The following JAG2 variants were observed in gnomAD, a reference collection of about 807,000 sequenced individuals.
The protein encoded by JAG2 is jagged canonical Notch ligand 2.
A neutral mutation model predicts 141.7 loss-of-function variants in JAG2; 46 were observed. The ratio of observed to expected loss-of-function variants is 0.32; its 90% CI spans 0.26 to 0.42. The LOEUF (loss-of-function observed/expected upper bound fraction) is 0.42, where lower values mean the gene tolerates loss of function less well. Ranked by LOEUF, JAG2 falls within the 10% of genes least tolerant of loss-of-function variation. The probability of loss-of-function intolerance (pLI) is 1.00; values close to 1 mark genes in which losing one functional copy is unlikely to be tolerated. For synonymous variants in JAG2, 862 were observed against 763.5 expected, an observed-to-expected ratio of 1.13 and a Z score of -2.13; for missense variants, 1,500 against 1,817.5, an observed-to-expected ratio of 0.83 and a Z score of 3.18.
At chr14:105,157,927 C>A in intron 2 of JAG2, 164 bp from the exon 3 acceptor site, 1 of 697,900 alleles carries the variant, frequency 1.4e-6, no homozygotes, top group Non-Finnish European at 2.6e-6. Flanking sequence ...AGGCCACATC[C>A]TCTGCAGACC....
rs1319907612 is a variant in JAG2 at position 105,141,451 on chromosome 14, T to C, written c.*1244A>G. 1 of 152,268 alleles carries C rather than the reference T, an allele frequency of 6.6e-6. No homozygotes were observed. The highest frequency in any genetic ancestry group is 1.5e-5 in the Non-Finnish European group (1 of 68,048). The allele number at this position is 152,268 out of a possible 1,614,324, so 9.4% of individuals were successfully genotyped here. ...TTTATACTATTTTATAAAACTGTTT[T>C]CAGCTGTTTTAGTCAGGGTCGGGTG... On this transcript the variant is annotated 3_prime_UTR_variant, in exon 26 of 26. Transcript: ENST00000331782.
At chr14:105,160,811 C>T (rs925858278) in intron 2 of JAG2, among the ~76,000 whole-genome samples, 3 of 150,064 alleles carry the variant, frequency 2.0e-5, no homozygotes, top group Admixed American at 6.6e-5. Context: ...TGCAGCGAGC[C>T]GAGATCGCAC....
In JAG2 at chr14:105,168,383, A is replaced by AGCG; in HGVS notation, c.37_38insCGC (p.Arg12_Leu13insPro). On this transcript the variant is annotated inframe_insertion, in exon 1 of 26. Transcript: ENST00000331782. ...CACCCAGAGCGCCAGCAGCAGCAGC[A>AGCG]GCCGCCGGGGAAGGCGCCCCCGGCC... 9.8e-7 allele frequency: 1 copy of AGCG among 1,019,328 alleles called. No individual in the cohort carries two copies. Among genetic ancestry groups the AGCG allele is most frequent in the Non-Finnish European group, 1.2e-6 (1 of 829,780 alleles). The allele number at this position is 1,019,328 out of a possible 1,614,324, so 63.1% of individuals were successfully genotyped here. A position where few individuals can be genotyped will look rare whatever the true frequency, so the allele number is the denominator to read the frequency against.
At chr14:105,153,224 G>A (rs976849090) in intron 5 of JAG2, among the ~76,000 whole-genome samples, 3 of 152,178 alleles carry the variant, frequency 2.0e-5, no homozygotes, top group Non-Finnish European at 4.4e-5. Context: ...TTCCTGAGCC[G>A]CCCTCAAGCC....
At position 105,147,540 on chromosome 14, in the gene JAG2, A is replaced by C. The variant is rs1888263879; in HGVS notation, c.2366-13T>G. 6.2e-7 allele frequency: 1 copy of C among 1,610,708 alleles called. No individual in the cohort carries two copies. Among genetic ancestry groups the C allele is most frequent in the African/African-American group, 1.3e-5 (1 of 74,830 alleles). On this transcript the variant is annotated splice_polypyrimidine_tract_variant and intron_variant, in intron 18 of 25. Coordinates refer to ENST00000331782, the MANE Select transcript of JAG2 (RefSeq NM_002226.5). ...CAGTCGTTGGTATCTGGTTTGGGAG[A>C]AGAGAACGCAGGGGATCAGTACCCA...
chr14:105,165,700 C>T (rs1032913739), intron 2 of JAG2, among the ~76,000 whole-genome samples: 1 of 152,174 alleles, frequency 6.6e-6, no homozygotes, highest in Non-Finnish European at 1.5e-5. Context: ...GTGGAGGGAG[C>T]GAATGCAGAG....
At chr14:105,148,044 C>T in intron 17 of JAG2, 72 bp downstream of exon 17, 2 of 1,309,312 alleles carry the variant, frequency 1.5e-6, no homozygotes, top group Non-Finnish European at 1.1e-6. Context: ...CCCCTCGGCC[C>T]ATCGCGCCCG....
At position 105,146,087 on chromosome 14, in the gene JAG2, C is replaced by A. The variant is rs587689283; in HGVS notation, c.2710-114G>T. The A allele has an allele frequency of 3.0e-5, 45 of 1,496,400 alleles. 2 individuals are homozygous for A. The South Asian group carries it at 4.7e-4, about 16-fold the overall frequency. The allele number at this position is 1,496,400 out of a possible 1,614,324, so 92.7% of individuals were successfully genotyped here. ...GCCCCATGCCAAGGAGGGACACCGC[C>A]CAAGTCTGTGAGCCCCAGGGCCCAG... On this transcript the variant is annotated intron_variant, in intron 22 of 25. Coordinates refer to ENST00000331782, the MANE Select transcript of JAG2 (RefSeq NM_002226.5).
chr14:105,146,264 T>G, intron 22 of JAG2, 121 bp downstream of exon 22: 1 of 935,526 alleles, frequency 1.1e-6, no homozygotes, highest in African/African-American at 1.6e-5. Context: ...TGGGTGTCCC[T>G]GAGGGCAGAC....
rs112779211 is a variant in JAG2, at chr14:105,163,893, C to A, written c.417+3864G>T. On this transcript the variant is annotated intron_variant, in intron 2 of 25. Transcript: ENST00000331782. The stretch of plus-strand genomic sequence containing the variant: ...GCTCAGGCCTGGGGTCTGGGGATAG[C>A]GACTGTGGCTGGGGCCTGGGATTGC... Among the ~76,000 whole-genome samples, 53 of 152,146 alleles carry A rather than the reference C, an allele frequency of 3.5e-4. 1 individual carries two copies. Among genetic ancestry groups the A allele is most frequent in the African/African-American group, 1.3e-3 (52 of 41,498 alleles).
chr14:105,157,242 G>A (rs937931769), intron 3 of JAG2, among the ~76,000 whole-genome samples: 2 of 152,126 alleles, frequency 1.3e-5, no homozygotes, highest in African/African-American at 2.4e-5. Flanking sequence ...CAGCCAGCCC[G>A]CTCCTGCCCA....
At chr14:105,148,017 G>T (rs1160953181) in intron 17 of JAG2, 99 bp downstream of exon 17, 3 of 1,167,154 alleles carry the variant, frequency 2.6e-6, no homozygotes, top group Non-Finnish European at 2.5e-6. Context: ...GGTGGCAGGT[G>T]TGGCCCTCAA....
chr14:105,157,362 G>A lies in JAG2; in HGVS notation c.475+344C>T, dbSNP rs1325611524. Among the ~76,000 whole-genome samples, 4 of 152,218 alleles carry A rather than the reference G, an allele frequency of 2.6e-5. No individual in the cohort carries two copies. In the East Asian group the frequency reaches 7.7e-4, roughly 29 times the overall value. ...GCAGAGCCCCTGCCTCAGGGAGAGG[G>A]CCACCAAGGCTCCATGCTCCAGTAC... On this transcript the variant is annotated intron_variant, in intron 3 of 25. Transcript: ENST00000331782.
chr14:105,153,323 G>A (rs1315160088), intron 5 of JAG2, among the ~76,000 whole-genome samples: 1 of 152,244 alleles, frequency 6.6e-6, no homozygotes, highest in Non-Finnish European at 1.5e-5. Flanking sequence ...CCAGTATCCA[G>A]CCCAGCATGC....
rs959430916 is a variant in JAG2, at chr14:105,151,715, G to A, written c.1064C>T (p.Pro355Leu). The change falls in exon 8 of 26, where the codon CCG (proline) becomes CTG (leucine). Residue 355 changes from proline to leucine, a missense_variant. By Grantham distance (98) the Pro-to-Leu change is moderately conservative. Transcript: ENST00000331782. Reference sequence around the variant, plus strand: ...ATGGCAAGAGCCCCCGTTGGCACACGGGTTGGAGGTGCAGGCGTGCTCAGC... The same window carrying A: ...ATGGCAAGAGCCCCCGTTGGCACACAGGTTGGAGGTGCAGGCGTGCTCAGC... ...EKAEHACTSN[P>L]CANGGSCHEV... 10 of 1,610,928 alleles carry A rather than the reference G, an allele frequency of 6.2e-6. No individual in the cohort carries two copies. Among genetic ancestry groups the A allele is most frequent in the Non-Finnish European group, 6.8e-6 (8 of 1,179,194 alleles).
chr14:105,152,648 C>T (rs886450126), intron 5 of JAG2, among the ~76,000 whole-genome samples: 1 of 151,724 alleles, frequency 6.6e-6, no homozygotes, highest in African/African-American at 2.4e-5. Flanking sequence ...CTGCCAGGGC[C>T]GGGAGGCACC....
At chr14:105,161,318 A>G (rs1888741082) in intron 2 of JAG2, among the ~76,000 whole-genome samples, 1 of 152,068 alleles carries the variant, frequency 6.6e-6, no homozygotes, top group South Asian at 2.1e-4. Context: ...AGCAATAGTG[A>G]GGTCAGAGGA....
intron 20 of JAG2, 21 bp from the exon 21 acceptor site, chr14:105,146,745 G>A (rs1243509904): frequency 1.3e-6 from 2 of 1,583,762 alleles, no homozygotes; most frequent in Admixed American, 1.7e-5. Flanking sequence ...AGCCACCGCT[G>A]CTCAGTGCAG....
chr14:105,142,700 C>A lies in JAG2; in HGVS notation c.3712G>T (p.Glu1238Ter). 1.9e-6 allele frequency: 3 copies of A among 1,597,324 alleles called. No individual in the cohort carries two copies. In the South Asian group the frequency reaches 3.4e-5, roughly 18 times the overall value. The change falls in exon 26 of 26, where the codon GAG becomes TAG. Residue 1238 changes from glutamate (E) to a stop codon, truncating the protein, a stop_gained. Coordinates refer to ENST00000331782, the MANE Select transcript of JAG2 (RefSeq NM_002226.5). LOFTEE classifies it high-confidence loss of function. ...SINEARYAGK[E>*] ...GGCCCAGCTGGCAGCCGCCCCTACTCCTTGCCGGCGTAGCGGGCCTCATTG... is the reference window on the plus strand; with the variant it reads ...GGCCCAGCTGGCAGCCGCCCCTACTACTTGCCGGCGTAGCGGGCCTCATTG...
Sources: allele counts gnomAD v4.1 joint callset (sites outside exome capture counted in the v4.1 genomes callset), GRCh38; gene constraint gnomAD v4.1.1; transcripts MANE v1.5; gene names NCBI Gene and HGNC (gene_info 2026-07-23, HGNC 2026-07-21).